CDYL2: variants seen among roughly 807,000 people sequenced by gnomAD.
CDYL2 encodes chromodomain Y like 2, also known as chromodomain Y-like protein 2.
In CDYL2, 23 loss-of-function variants were observed where a neutral mutation model predicts 49.4. The ratio of observed to expected loss-of-function variants is 0.47; its 90% CI spans 0.34 to 0.66. The LOEUF (loss-of-function observed/expected upper bound fraction) is 0.66. Among genes scored for constraint, CDYL2 ranks in the 30% least tolerant of loss-of-function variants. CDYL2 has a pLI of 0.01. For synonymous variants in CDYL2, 360 were observed against 268.8 expected, an observed-to-expected ratio of 1.34 and a Z score of -3.32; for missense variants, 678 against 656.4, an observed-to-expected ratio of 1.03 and a Z score of -0.36.
At chr16:80,687,314 C>T (rs1910235364) in intron 1 of CDYL2, among the ~76,000 whole-genome samples, 1 of 152,082 alleles carries the variant, frequency 6.6e-6, no homozygotes, top group African/African-American at 2.4e-5. Context: ...AAATTTCTTC[C>T]CCAGGATGAA....
At position 80,691,200 on chromosome 16, in the gene CDYL2, G is replaced by A. The variant is rs115597713; in HGVS notation, c.25-6071C>T. Among the ~76,000 whole-genome samples the A allele has an allele frequency of 4.4e-3, 675 of 152,236 alleles. 3 individuals are homozygous for A. Among genetic ancestry groups the A allele is most frequent in the African/African-American group, 0.015 (632 of 41,534 alleles). On this transcript the variant is annotated intron_variant, in intron 1 of 6. Coordinates refer to ENST00000570137, the MANE Select transcript of CDYL2 (RefSeq NM_152342.4). ...CACATCCCTGAAGACCTTTCTTTCT[G>A]CATCCTTTCAACATCCTGAGACAAC...
intron 1 of CDYL2, among the ~76,000 whole-genome samples, chr16:80,716,127 A>G (rs911609821): frequency 2.6e-5 from 4 of 152,268 alleles, no homozygotes; most frequent in African/African-American, 4.8e-5. Context: ...GGCCTGGTAC[A>G]TAAAAGGAAT....
intron 1 of CDYL2, among the ~76,000 whole-genome samples, chr16:80,733,444 T>C (rs1905403571): frequency 6.6e-6 from 1 of 152,238 alleles, no homozygotes; most frequent in Non-Finnish European, 1.5e-5. Context: ...TTGAAAATTC[T>C]GGACATTCTC....
chr16:80,690,894 C>A (rs568672344), intron 1 of CDYL2, among the ~76,000 whole-genome samples: 42 of 152,258 alleles, frequency 2.8e-4, no homozygotes, highest in Non-Finnish European at 5.0e-4. Flanking sequence ...AGATTCCCAC[C>A]AAACCAGCAC....
intron 4 of CDYL2, among the ~76,000 whole-genome samples, chr16:80,620,133 C>T (rs765888873): frequency 1.3e-5 from 2 of 152,232 alleles, no homozygotes; most frequent in South Asian, 2.1e-4. Flanking sequence ...AGAAATGACA[C>T]TCACTTGCTT....
intron 1 of CDYL2, among the ~76,000 whole-genome samples, chr16:80,724,115 A>G (rs1567585446): frequency 6.6e-6 from 1 of 150,646 alleles, no homozygotes; most frequent in African/African-American, 2.4e-5. Flanking sequence ...GAGGAAGAGA[A>G]AGGAGAAGAA....
chr16:80,770,012 A>C (rs1906854341), intron 1 of CDYL2, among the ~76,000 whole-genome samples: 1 of 152,196 alleles, frequency 6.6e-6, no homozygotes, highest in Non-Finnish European at 1.5e-5. Flanking sequence ...AAAACAACAA[A>C]ACTACTTTGC....
intron 1 of CDYL2, among the ~76,000 whole-genome samples, chr16:80,796,861 G>A (rs1386747406): frequency 6.6e-6 from 1 of 152,008 alleles, no homozygotes; most frequent in Non-Finnish European, 1.5e-5. Context: ...AGCCATCCCT[G>A]ACCCACCAAC....
intron 1 of CDYL2, among the ~76,000 whole-genome samples, chr16:80,742,736 G>C (rs538655557): frequency 6.6e-6 from 1 of 151,838 alleles, no homozygotes; most frequent in South Asian, 2.1e-4. Flanking sequence ...CAGGGTAGGT[G>C]GGTGAGTGAG....
intron 4 of CDYL2, among the ~76,000 whole-genome samples, chr16:80,614,166 A>G (rs1286977085): frequency 2.0e-5 from 3 of 152,242 alleles, no homozygotes; most frequent in Non-Finnish European, 4.4e-5. Context: ...AACAAGAACA[A>G]AGACTGCAGA....
At chr16:80,760,027 A>G (rs1413366660) in intron 1 of CDYL2, among the ~76,000 whole-genome samples, 1 of 152,232 alleles carries the variant, frequency 6.6e-6, no homozygotes, top group African/African-American at 2.4e-5. Flanking sequence ...GTTTGAAACT[A>G]TATTTCATTT....
Position 80,749,731 on chromosome 16 carries a change from T to TA in CDYL2, c.24+54418dup. Among the ~76,000 whole-genome samples the TA allele has an allele frequency of 1.3e-5, 2 of 151,900 alleles. 1 individual carries two copies. Among genetic ancestry groups the TA allele is most frequent in the African/African-American group, 4.8e-5 (2 of 41,314 alleles). On this transcript the variant is annotated intron_variant, in intron 1 of 6. Transcript: ENST00000570137. ...AAATAGCCTTATATGAAAATTTTTT[T>TA]AAAAAAATTTAAAAAAAAGCATACA...
intron 1 of CDYL2, among the ~76,000 whole-genome samples, chr16:80,712,529 C>T (rs377465453): frequency 5.3e-5 from 8 of 152,122 alleles, no homozygotes; most frequent in African/African-American, 1.7e-4. Flanking sequence ...CAAAAATGAG[C>T]CCAAACCCAG....
At chr16:80,780,019 C>T (rs1179196817) in intron 1 of CDYL2, among the ~76,000 whole-genome samples, 1 of 152,064 alleles carries the variant, frequency 6.6e-6, no homozygotes, top group African/African-American at 2.4e-5. Flanking sequence ...GACACATGAA[C>T]ACCTATGACT....
At chr16:80,793,709 A>G (rs1907679858) in intron 1 of CDYL2, among the ~76,000 whole-genome samples, 1 of 152,184 alleles carries the variant, frequency 6.6e-6, no homozygotes, top group South Asian at 2.1e-4. Flanking sequence ...CCATTTCCCT[A>G]ACAATATGTT....
chr16:80,643,268 T>C (rs1312860037), intron 2 of CDYL2, among the ~76,000 whole-genome samples: 1 of 152,198 alleles, frequency 6.6e-6, no homozygotes. Flanking sequence ...GTCACGCTGA[T>C]TCAAAAGGTG....
At chr16:80,734,689 G>T (rs936737461) in intron 1 of CDYL2, among the ~76,000 whole-genome samples, 4 of 152,118 alleles carry the variant, frequency 2.6e-5, no homozygotes, top group African/African-American at 9.7e-5. Flanking sequence ...ACACCATGTT[G>T]GGCCCTGGGA....
chr16:80,684,473 C>G, intron 2 of CDYL2, 65 bp downstream of exon 2: 1 of 1,483,074 alleles, frequency 6.7e-7, no homozygotes, highest in Non-Finnish European at 9.2e-7. Flanking sequence ...TGTCCCTAGG[C>G]TACAGGCAGA....
At chr16:80,645,249 G>C (rs955088195) in intron 2 of CDYL2, among the ~76,000 whole-genome samples, 1 of 152,070 alleles carries the variant, frequency 6.6e-6, no homozygotes, top group Admixed American at 6.5e-5. Context: ...ATCTGACAAA[G>C]GGCTAATATC....
Sources: gnomAD v4.1 joint callset for allele counts (sites outside exome capture counted in the v4.1 genomes callset) on GRCh38, gnomAD v4.1.1 for gene constraint, MANE v1.5 for transcripts, NCBI Gene and HGNC (gene_info 2026-07-23, HGNC 2026-07-21) for gene names.